RAP1GDS1: variants seen among roughly 807,000 people sequenced by gnomAD.
RAP1GDS1 encodes the protein RAP1, GTP-GDP dissociation stimulator 1.
RAP1GDS1 carries 35 observed loss-of-function variants against 71.1 expected under a neutral mutation model. The ratio of observed to expected loss-of-function variants is 0.49; its 90% CI spans 0.38 to 0.65. The LOEUF is 0.65. Among genes scored for constraint, RAP1GDS1 ranks in the 30% least tolerant of loss-of-function variants. RAP1GDS1 has a pLI of 0.00. For missense variants in RAP1GDS1, 663 were observed against 706.1 expected (o/e 0.94, Z 0.69); for synonymous variants, 229 against 243.1 (o/e 0.94, Z 0.54).
intron 4 of RAP1GDS1, among the ~76,000 whole-genome samples, chr4:98,365,232 G>A (rs1173156115): frequency 6.6e-6 from 1 of 152,058 alleles, no homozygotes; most frequent in Non-Finnish European, 1.5e-5. Context: ...CAGTAAACCA[G>A]CTAGACAAAT....
chr4:98,313,796 A>G (rs1004015972), intron 2 of RAP1GDS1, among the ~76,000 whole-genome samples: 9 of 152,108 alleles, frequency 5.9e-5, no homozygotes, highest in Non-Finnish European at 1.2e-4. Context: ...GTAGTAAGCC[A>G]TGATCATGCC....
At chr4:98,418,838 C>A in intron 10 of RAP1GDS1, 47 bp downstream of exon 10, 2 of 1,487,202 alleles carry the variant, frequency 1.3e-6, no homozygotes, top group Non-Finnish European at 1.8e-6. Context: ...TAAAATCCAT[C>A]ATTTGGGGAA....
At chr4:98,412,783 G>A (rs755442613) in intron 7 of RAP1GDS1, among the ~76,000 whole-genome samples, 3 of 152,030 alleles carry the variant, frequency 2.0e-5, no homozygotes, top group African/African-American at 2.4e-5. Flanking sequence ...ATCACATATC[G>A]GTAGGTCCGT....
At chr4:98,408,256 A>G (rs1231253542) in intron 7 of RAP1GDS1, among the ~76,000 whole-genome samples, 1 of 151,978 alleles carries the variant, frequency 6.6e-6, no homozygotes, top group Admixed American at 6.6e-5. Flanking sequence ...CTTCTCAAGT[A>G]GGTGGGATTA....
At chr4:98,391,670 G>C (rs1412014664) in intron 5 of RAP1GDS1, among the ~76,000 whole-genome samples, 1 of 151,856 alleles carries the variant, frequency 6.6e-6, no homozygotes, top group Non-Finnish European at 1.5e-5. Context: ...GCTTTTTAAT[G>C]GTATAAGACC....
intron 1 of RAP1GDS1, among the ~76,000 whole-genome samples, chr4:98,262,368 T>A (rs969335934): frequency 1.3e-5 from 2 of 152,224 alleles, no homozygotes; most frequent in African/African-American, 4.8e-5. Flanking sequence ...ATAATCTGAT[T>A]TTAGTTCCTT....
intron 1 of RAP1GDS1, among the ~76,000 whole-genome samples, chr4:98,262,308 C>G (rs1166817372): frequency 6.6e-6 from 1 of 152,148 alleles, no homozygotes; most frequent in Admixed American, 6.5e-5. Flanking sequence ...ACGTTGTTAC[C>G]GAACTTACAT....
chr4:98,314,369 G>GTGAGAGAATCTTATCAAGATTCTTAA (rs1379147113), intron 2 of RAP1GDS1, among the ~76,000 whole-genome samples: 2 of 152,154 alleles, frequency 1.3e-5, no homozygotes, highest in African/African-American at 4.8e-5. Context: ...AGTTTCCTTG[G>GTGAGAGAATCTTATCAAGATTCTTAA]TGAGAGAATC....
rs1447584864 is a variant in RAP1GDS1 at position 98,441,790 on chromosome 4, A to G, written c.1697-200A>G. ...TTTAAAATTTTTTCCTTTAATTTAA[A>G]AAAAAGTAAAGTTTTTATGATTTTT... On this transcript the variant is annotated intron_variant, in intron 14 of 14. Transcript: ENST00000408927. The G allele has an allele frequency of 1.2e-5, 7 of 576,964 alleles. No individual in the cohort carries two copies. In the South Asian group the frequency reaches 2.3e-4, roughly 19 times the overall value. 35.7% of individuals were successfully genotyped at this position (576,964 alleles called of 1,614,324 possible). A position where few individuals can be genotyped will look rare whatever the true frequency, so the allele number is the denominator to read the frequency against.
chr4:98,269,141 A>G (rs1287565503), intron 1 of RAP1GDS1, among the ~76,000 whole-genome samples: 2 of 150,620 alleles, frequency 1.3e-5, no homozygotes, highest in African/African-American at 2.4e-5. Context: ...GAGGCCAGAA[A>G]TAAACCCAAG....
intron 3 of RAP1GDS1, 30 bp downstream of exon 3, chr4:98,343,291 G>T: frequency 1.3e-6 from 2 of 1,559,698 alleles, no homozygotes; most frequent in South Asian, 2.2e-5. Context: ...CTTTTCTGCT[G>T]GGAACGTCTT....
chr4:98,262,190 C>T (rs1464296021), intron 1 of RAP1GDS1, among the ~76,000 whole-genome samples: 1 of 152,236 alleles, frequency 6.6e-6, no homozygotes, highest in Non-Finnish European at 1.5e-5. Context: ...GATAGAGCCG[C>T]TAGCTGTTGA....
intron 14 of RAP1GDS1, 90 bp from the exon 15 acceptor site, chr4:98,441,900 A>G: frequency 1.4e-6 from 2 of 1,390,434 alleles, no homozygotes; most frequent in Non-Finnish European, 9.8e-7. Context: ...TTATAAGCTT[A>G]GTCTTGTCAA....
At chr4:98,333,873 C>T (rs1452583236) in intron 2 of RAP1GDS1, among the ~76,000 whole-genome samples, 1 of 152,044 alleles carries the variant, frequency 6.6e-6, no homozygotes. Context: ...AACAGTGTTA[C>T]ATTAGTCTTA....
At chr4:98,377,516 T>A (rs1330866690) in intron 4 of RAP1GDS1, among the ~76,000 whole-genome samples, 1 of 151,910 alleles carries the variant, frequency 6.6e-6, no homozygotes, top group Admixed American at 6.6e-5. Context: ...TCCATCTTTA[T>A]AACAATACAG....
intron 2 of RAP1GDS1, among the ~76,000 whole-genome samples, chr4:98,333,868 T>C (rs1032059618): frequency 6.6e-6 from 1 of 152,108 alleles, no homozygotes; most frequent in African/African-American, 2.4e-5. Context: ...AACTAAACAG[T>C]GTTACATTAG....
chr4:98,438,330 C>T (rs1029041979), intron 14 of RAP1GDS1, among the ~76,000 whole-genome samples: 1 of 151,594 alleles, frequency 6.6e-6, no homozygotes, highest in African/African-American at 2.4e-5. Context: ...GATCTTTTCT[C>T]ACTCTTTTAG....
intron 4 of RAP1GDS1, 96 bp downstream of exon 4, chr4:98,352,697 A>C: frequency 7.5e-7 from 1 of 1,336,766 alleles, no homozygotes; most frequent in Non-Finnish European, 1.0e-6. Context: ...TTCTAGGCTA[A>C]AACACTAACA....
At chr4:98,411,644 A>G (rs901683739) in intron 7 of RAP1GDS1, among the ~76,000 whole-genome samples, 1 of 152,154 alleles carries the variant, frequency 6.6e-6, no homozygotes, top group African/African-American at 2.4e-5. Context: ...CAGTATTTCA[A>G]AATAACAATG....
Sources: allele counts gnomAD v4.1 joint callset (sites outside exome capture counted in the v4.1 genomes callset), GRCh38; gene constraint gnomAD v4.1.1; transcripts MANE v1.5; gene names NCBI Gene and HGNC (gene_info 2026-07-23, HGNC 2026-07-21).